DPP4: variants seen among roughly 807,000 people sequenced by gnomAD.
DPP4 encodes dipeptidyl peptidase 4, also known as ADCP-2.
Under a neutral mutation model 122.4 loss-of-function variants are expected in DPP4, and 93 were observed. The ratio of observed to expected loss-of-function variants is 0.76; its 90% CI spans 0.64 to 0.90. The LOEUF (loss-of-function observed/expected upper bound fraction) is 0.90, where lower values mean the gene tolerates loss of function less well. DPP4 is among the 40% of genes least tolerant of loss of function. The probability of loss-of-function intolerance (pLI) is 0.00; values close to 1 mark genes in which losing one functional copy is unlikely to be tolerated. For missense variants in DPP4, 914 were observed against 907.3 expected (o/e 1.01, Z -0.09); for synonymous variants, 321 against 302.9 (o/e 1.06, Z -0.62).
chr2:162,057,959 G>C (rs972942581), intron 2 of DPP4, among the ~76,000 whole-genome samples: 6 of 152,078 alleles, frequency 3.9e-5, no homozygotes, highest in Non-Finnish European at 7.4e-5. Flanking sequence ...TTTTAGTAGG[G>C]ACGGGGTTTC....
chr2:162,073,916 G>A, intron 1 of DPP4, 60 bp downstream of exon 1: 2 of 1,603,654 alleles, frequency 1.2e-6, no homozygotes, highest in Non-Finnish European at 1.7e-6. Flanking sequence ...GGCCATTTGG[G>A]GAGTTTGGCG....
At chr2:162,044,589 A>C (rs1446817237) in intron 5 of DPP4, among the ~76,000 whole-genome samples, 1 of 152,190 alleles carries the variant, frequency 6.6e-6, no homozygotes, top group African/African-American at 2.4e-5. Flanking sequence ...CTTGCAATAC[A>C]GGGTATCTTT....
intron 19 of DPP4, among the ~76,000 whole-genome samples, chr2:162,012,508 T>G (rs1682738183): frequency 6.6e-6 from 1 of 152,142 alleles, no homozygotes; most frequent in African/African-American, 2.4e-5. Context: ...TGGAATGGAC[T>G]GCAGTATGAA....
At chr2:162,064,313 C>T (rs531687508) in intron 2 of DPP4, among the ~76,000 whole-genome samples, 3 of 152,098 alleles carry the variant, frequency 2.0e-5, no homozygotes, top group East Asian at 3.9e-4. Flanking sequence ...ACAGCCAAAC[C>T]CTTTTCATTT....
chr2:162,062,664 C>T (rs1180918443), intron 2 of DPP4, among the ~76,000 whole-genome samples: 2 of 152,190 alleles, frequency 1.3e-5, no homozygotes, highest in Admixed American at 1.3e-4. Flanking sequence ...GCCATATGGC[C>T]CCTCCATCTT....
At chr2:161,993,844 G>A (rs1388732309) in intron 25 of DPP4, among the ~76,000 whole-genome samples, 1 of 150,322 alleles carries the variant, frequency 6.7e-6, no homozygotes, top group Non-Finnish European at 1.5e-5. Flanking sequence ...TAAACTAAAT[G>A]ATTTTTTTTA....
At chr2:162,024,754 C>T (rs200328472) in intron 11 of DPP4, 50 bp downstream of exon 11, 1 of 1,596,310 alleles carries the variant, frequency 6.3e-7, no homozygotes, top group Non-Finnish European at 8.5e-7. Flanking sequence ...CTGCACAGAC[C>T]CTCTGATCAC....
chr2:162,034,497 C>A (rs920354992), intron 9 of DPP4, among the ~76,000 whole-genome samples: 2 of 151,906 alleles, frequency 1.3e-5, no homozygotes, highest in Non-Finnish European at 2.9e-5. Flanking sequence ...ACAGAAAAAA[C>A]ACTTTACTAT....
chr2:162,022,286 A>G (rs1330730484), intron 12 of DPP4, among the ~76,000 whole-genome samples: 1 of 152,234 alleles, frequency 6.6e-6, no homozygotes, highest in Non-Finnish European at 1.5e-5. Flanking sequence ...GCCTGCAAGT[A>G]TGATTTCCTC....
At chr2:162,004,603 G>GCACACA in intron 23 of DPP4, among the ~76,000 whole-genome samples, 1 of 113,638 alleles carries the variant, frequency 8.8e-6, no homozygotes, top group Admixed American at 8.6e-5. Flanking sequence ...ACACACACAC[G>GCACACA]CACACACACA....
Position 162,024,883 on chromosome 2 carries a change from C to T in DPP4, c.944G>A (p.Trp315Ter). ...CGAATAGTTCTGAATCCTCCTGAGC[C>T]ACTGCAAAGAAATTCTTTCTTGTGT... ...WATQERISLQWLRRIQNYSVM... is the reference protein window; with the variant it reads ...WATQERISLQ The change falls in exon 11 of 26, where the codon TGG (tryptophan) becomes TAG (stop). Residue 315 changes from tryptophan to a stop codon, truncating the protein, a stop_gained. Transcript: ENST00000360534. LOFTEE classifies it high-confidence loss of function. The T allele has an allele frequency of 6.2e-7, 1 of 1,613,932 alleles. No homozygotes were observed. The highest frequency in any genetic ancestry group is 1.1e-5 in the South Asian group (1 of 91,072).
rs187416536 is a variant in DPP4, at chr2:162,023,554, C to T, written c.1024-755G>A. 7.7e-4 allele frequency among the ~76,000 whole-genome samples: 117 copies of T among 152,294 alleles called. 1 individual carries two copies. The highest frequency in any genetic ancestry group is 2.8e-3 in the African/African-American group (115 of 41,554). Reference sequence around the variant, plus strand: ...TTTGCACAGCCCTCTGCTTCTATGGCGTTCTGTCCTTATCTGCTCAGCACA... The same window carrying T: ...TTTGCACAGCCCTCTGCTTCTATGGTGTTCTGTCCTTATCTGCTCAGCACA... On this transcript the variant is annotated intron_variant, in intron 11 of 25. Transcript: ENST00000360534.
chr2:162,072,399 T>C (rs941429541), intron 2 of DPP4, among the ~76,000 whole-genome samples: 4 of 152,212 alleles, frequency 2.6e-5, no homozygotes, highest in African/African-American at 9.6e-5. Flanking sequence ...GGTCAACCCA[T>C]TCAGTTATTT....
At chr2:162,006,065 C>T (rs1385015453) in intron 22 of DPP4, among the ~76,000 whole-genome samples, 1 of 152,182 alleles carries the variant, frequency 6.6e-6, no homozygotes, top group African/African-American at 2.4e-5. Context: ...CATACCTTTC[C>T]ACACTCAGCC....
At chr2:162,005,928 A>T in intron 22 of DPP4, 119 bp from the exon 23 acceptor site, 1 of 809,970 alleles carries the variant, frequency 1.2e-6, no homozygotes, top group East Asian at 2.7e-5. Context: ...ATATAGAGTT[A>T]CTCTCAGAAG....
intron 2 of DPP4, among the ~76,000 whole-genome samples, chr2:162,065,674 T>C (rs1322688281): frequency 6.6e-6 from 1 of 152,170 alleles, no homozygotes; most frequent in African/African-American, 2.4e-5. Context: ...GTTTGGGGGC[T>C]GAAGGATTGG....
Position 162,035,335 on chromosome 2 carries a change from AC to A in DPP4, c.614-12del. On this transcript the variant is annotated splice_polypyrimidine_tract_variant and intron_variant, in intron 8 of 25. Coordinates refer to ENST00000360534, the MANE Select transcript of DPP4 (RefSeq NM_001935.4). ...CACTGAAGACTTCCTCTGAAAAAAGACACAAATTGTTCTGTTACAAGAAGTA... is the reference window on the plus strand; with the variant it reads ...CACTGAAGACTTCCTCTGAAAAAAGAACAAATTGTTCTGTTACAAGAAGTA... 6.2e-7 allele frequency: 1 copy of A among 1,609,824 alleles called. No homozygotes were observed. The highest frequency in any genetic ancestry group is 8.5e-7 in the Non-Finnish European group (1 of 1,178,756).
At chr2:162,044,401 T>C (rs921949984) in intron 5 of DPP4, among the ~76,000 whole-genome samples, 1 of 151,342 alleles carries the variant, frequency 6.6e-6, no homozygotes, top group African/African-American at 2.4e-5. Flanking sequence ...AGTGTTGGTG[T>C]GTGAGTGTTG....
At chr2:162,020,875 T>C (rs1683100724) in intron 12 of DPP4, among the ~76,000 whole-genome samples, 187 bp from the exon 13 acceptor site, 1 of 152,186 alleles carries the variant, frequency 6.6e-6, no homozygotes, top group South Asian at 2.1e-4. Context: ...AACACCATAC[T>C]CATAGGTAAT....
Sources: gnomAD v4.1 joint callset for allele counts (sites outside exome capture counted in the v4.1 genomes callset) on GRCh38, gnomAD v4.1.1 for gene constraint, MANE v1.5 for transcripts, NCBI Gene and HGNC (gene_info 2026-07-23, HGNC 2026-07-21) for gene names.